The following EMC1 variants were observed in gnomAD, a reference collection of about 807,000 sequenced individuals.
The protein encoded by EMC1 is KIAA0090.
In EMC1, 103 loss-of-function variants were observed where a neutral mutation model predicts 128.8. That is an observed-to-expected ratio of 0.80 (90% CI 0.68 to 0.94). The LOEUF is 0.94. Ranked by LOEUF, EMC1 falls within the 40% of genes least tolerant of loss-of-function variation. EMC1 has a pLI of 0.00. For synonymous variants in EMC1, 442 were observed against 490.4 expected (o/e 0.90, Z 1.30); for missense variants, 1,083 against 1,250.6 (o/e 0.87, Z 2.02).
intron 18 of EMC1, 77 bp from the exon 19 acceptor site, chr1:19,223,646 C>T: frequency 8.8e-6 from 12 of 1,359,778 alleles, no homozygotes; most frequent in Non-Finnish European, 8.2e-6. Flanking sequence ...TGAGACCAAC[C>T]TGGAGCTCTC....
At chr1:19,249,391 T>C (rs2093646838) in intron 1 of EMC1, among the ~76,000 whole-genome samples, 1 of 152,226 alleles carries the variant, frequency 6.6e-6, no homozygotes, top group Admixed American at 6.5e-5. Context: ...TTTCTATGTT[T>C]AGATACACAA....
intron 17 of EMC1, chr1:19,229,491 A>C (rs1047440456): frequency 1.1e-4 from 17 of 152,032 alleles, no homozygotes; most frequent in African/African-American, 4.1e-4. Context: ...GTCATTGTTC[A>C]CTCAGATGAT....
chr1:19,236,879 A>T lies in EMC1; in HGVS notation c.1309+263T>A, dbSNP rs1335210143. ...GCTACTCAGGAGGCTGAGGCAGGAG[A>T]ATCGCTTGAATCCGAAAGGTGGAGA... On this transcript the variant is annotated intron_variant, in intron 12 of 22. Coordinates refer to ENST00000477853, the MANE Select transcript of EMC1 (RefSeq NM_015047.3). Among the ~76,000 whole-genome samples the T allele has an allele frequency of 2.0e-5, 3 of 151,052 alleles. No homozygotes were observed. The Admixed American group carries it at 2.0e-4, about 10-fold the overall frequency.
intron 18 of EMC1, among the ~76,000 whole-genome samples, chr1:19,226,080 C>T (rs947633101): frequency 6.6e-6 from 1 of 152,090 alleles, no homozygotes; most frequent in African/African-American, 2.4e-5. Flanking sequence ...CCAGCTTTAC[C>T]GTCAAGTTCC....
chr1:19,244,160 C>G, intron 2 of EMC1, 145 bp from the exon 3 acceptor site: 1 of 768,518 alleles, frequency 1.3e-6, no homozygotes, highest in Non-Finnish European at 2.2e-6. Flanking sequence ...TGGCAGTGAT[C>G]CAGTCCCATT....
At chr1:19,234,993 A>C in intron 13 of EMC1, 137 bp downstream of exon 13, 1 of 946,654 alleles carries the variant, frequency 1.1e-6, no homozygotes, top group South Asian at 1.9e-5. Flanking sequence ...CCGGAACCTC[A>C]TCACAGAGCT....
Position 19,237,258 on chromosome 1 carries a change from C to G in EMC1, c.1213-20G>C. The G allele has an allele frequency of 6.3e-7, 1 of 1,584,614 alleles. No homozygotes were observed. Among genetic ancestry groups the G allele is most frequent in the Non-Finnish European group, 8.7e-7 (1 of 1,153,458 alleles). ...ATACAGCTATAAGCCACAGTCAAGA[C>G]CGGTGTAGTCAGTGAGGATCCAAAT... On this transcript the variant is annotated intron_variant, in intron 11 of 22. Coordinates refer to ENST00000477853, the MANE Select transcript of EMC1 (RefSeq NM_015047.3).
intron 20 of EMC1, 129 bp downstream of exon 20, chr1:19,222,495 A>G: frequency 1.3e-6 from 1 of 761,144 alleles, no homozygotes; most frequent in Non-Finnish European, 2.2e-6. Flanking sequence ...ACCGATATAT[A>G]GCCCTCCTCA....
rs751514161 is a variant in EMC1, at chr1:19,239,836, C to A, written c.936G>T (p.Leu312Phe). The A allele has an allele frequency of 1.9e-6, 3 of 1,613,872 alleles. No individual in the cohort carries two copies. The Admixed American group carries it at 5.0e-5, about 27-fold the overall frequency. Residue 312 changes from leucine to phenylalanine, a missense_variant, in exon 8 of 23, where the codon TTG becomes TTT. By Grantham distance (22) the Leu-to-Phe change is conservative. Coordinates refer to ENST00000477853, the MANE Select transcript of EMC1 (RefSeq NM_015047.3). ...CAGTTACCTGTGGGAAGTTTTTAAGCAAACTCAGCGTTCCATAATGGTACT... is the reference window on the plus strand; with the variant it reads ...CAGTTACCTGTGGGAAGTTTTTAAGAAAACTCAGCGTTCCATAATGGTACT... ...LLQYHYGTLS[L>F]LKNFPQTALV... is the part of the protein sequence containing the mutation.
rs1371391070 is a variant in EMC1 at position 19,216,373 on chromosome 1, C to CT, written c.*2929dup. ...GATTAGATAGCTTACATTAAAGTCT[C>CT]TAACACTTAAATTAGGAATTGAGTA... On this transcript the variant is annotated 3_prime_UTR_variant, in exon 23 of 23. Transcript: ENST00000477853. The CT allele has an allele frequency of 2.6e-5, 4 of 152,132 alleles. No homozygotes were observed. Among genetic ancestry groups the CT allele is most frequent in the Non-Finnish European group, 5.9e-5 (4 of 68,038 alleles). The allele number at this position is 152,132 out of a possible 1,614,324, so 9.4% of individuals were successfully genotyped here.
chr1:19,226,112 C>A (rs2093471192), intron 18 of EMC1, among the ~76,000 whole-genome samples: 1 of 152,086 alleles, frequency 6.6e-6, no homozygotes, highest in South Asian at 2.1e-4. Flanking sequence ...TCTATGACAC[C>A]CCCTCCAATT....
chr1:19,230,077 T>G (rs1391838516), intron 17 of EMC1, among the ~76,000 whole-genome samples: 1 of 152,180 alleles, frequency 6.6e-6, no homozygotes. Context: ...CCAGCGTGTA[T>G]TACTGTTTAC....
At chr1:19,251,052 C>T (rs1267215738) in intron 1 of EMC1, among the ~76,000 whole-genome samples, 1 of 152,204 alleles carries the variant, frequency 6.6e-6, no homozygotes, top group Non-Finnish European at 1.5e-5. Context: ...AATTAAAGTT[C>T]ACTGACAGCT....
In EMC1 at chr1:19,238,043, C is replaced by T. The variant is rs200440484; in HGVS notation, c.1186G>A (p.Glu396Lys). Residue 396 changes from glutamate to lysine, a missense_variant, in exon 11 of 23, where the codon GAA becomes AAA. Glu to Lys is a moderately conservative substitution (Grantham distance 56). This residue lies in a region of EMC1 where 544 missense variants were observed against 572.4 expected (regional missense o/e 0.95). Coordinates refer to ENST00000477853, the MANE Select transcript of EMC1 (RefSeq NM_015047.3). The part of the protein sequence containing the change: ...LLDTTITFSL[E>K]QSGTRPERLY... The stretch of plus-strand genomic sequence containing the variant: ...CGCTCAGGCCGAGTGCCGCTCTGTT[C>T]CAGGCTAAATGTTATCGTGGTGTCC... The T allele has an allele frequency of 6.2e-7, 1 of 1,613,828 alleles. No homozygotes were observed. Among genetic ancestry groups the T allele is most frequent in the African/African-American group, 1.3e-5 (1 of 74,922 alleles).
At chr1:19,235,291 G>A (rs2093554139) in intron 12 of EMC1, 39 bp from the exon 13 acceptor site, 1 of 1,593,588 alleles carries the variant, frequency 6.3e-7, no homozygotes, top group African/African-American at 1.3e-5. Context: ...CCTGGGGCTG[G>A]GCACAGTGGC....
At position 19,244,010 on chromosome 1, in the gene EMC1, G is replaced by A. The variant is rs372022434; in HGVS notation, c.226C>T (p.Arg76Cys). 119 of 1,613,858 alleles carry A rather than the reference G, an allele frequency of 7.4e-5. No individual in the cohort carries two copies. The highest frequency in any genetic ancestry group is 9.4e-5 in the Non-Finnish European group (111 of 1,179,948). Residue 76 changes from arginine to cysteine, a missense_variant, in exon 3 of 23, where the codon CGC becomes TGC. Around this residue, in one of 3 missense-constraint regions of EMC1, gnomAD observed 544 missense variants for 572.4 expected, o/e 0.95. Transcript: ENST00000477853. The part of the protein sequence containing the change: ...LNSRTGEILW[R>C]HVDKGTAEGA... ...TCTGCCGTGCCCTTGTCAACATGGC[G>A]CCACACTGAGAGACATGAAAGTTAG...
In EMC1 at chr1:19,232,747, G is replaced by A. The variant is rs138451773; in HGVS notation, c.1659C>T (p.Gly553=). 81 of 1,614,030 alleles carry A rather than the reference G, an allele frequency of 5.0e-5. No individual in the cohort carries two copies. Among genetic ancestry groups the A allele is most frequent in the Middle Eastern group, 4.9e-4 (3 of 6,084 alleles). ...GKLFGIESSS[G]TILWKQYLPN... ...GTAGATACTGTTTCCACAGGATGGT[G>A]CCAGAGCTGCTCTCAATGCCAAAAA... Residue 553 remains glycine (G), a synonymous_variant, in exon 15 of 23, where the codon GGC becomes GGT. Transcript: ENST00000477853.
chr1:19,226,971 G>C (rs1234687371), intron 18 of EMC1, among the ~76,000 whole-genome samples: 1 of 151,910 alleles, frequency 6.6e-6, no homozygotes, highest in Non-Finnish European at 1.5e-5. Flanking sequence ...AAGCTGCAGT[G>C]AGCCATGACT....
chr1:19,244,554 G>A (rs1572029877), intron 2 of EMC1: 1 of 256,672 alleles, frequency 3.9e-6, no homozygotes, highest in East Asian at 1.0e-4. Flanking sequence ...TGGGAATCTA[G>A]GCACACGCCA....
Sources: gnomAD v4.1 joint callset for allele counts (sites outside exome capture counted in the v4.1 genomes callset) on GRCh38, gnomAD v4.1.1 for gene constraint, gnomAD v4.1.1 regional missense constraint, MANE v1.5 for transcripts, NCBI Gene and HGNC (gene_info 2026-07-23, HGNC 2026-07-21) for gene names.